Variants in HTR4 observed in about 807,000 individuals in gnomAD.
HTR4 encodes 5-hydroxytryptamine receptor 4, also known as 5-hydroxytryptamine (serotonin) receptor 4, G protein-coupled.
HTR4 carries 16 observed loss-of-function variants against 36.8 expected under a neutral mutation model. That is an observed-to-expected ratio of 0.43 (90% CI 0.29 to 0.66). The LOEUF is 0.66. HTR4 is among the 30% of genes least tolerant of loss of function. The pLI, the probability that HTR4 is intolerant of heterozygous loss-of-function variation, is 0.13. For synonymous variants in HTR4, 189 were observed against 185.1 expected (o/e 1.02, Z -0.17); for missense variants, 438 against 490.9 (o/e 0.89, Z 1.02).
chr5:148,583,712 C>T (rs1761240705), intron 2 of HTR4, among the ~76,000 whole-genome samples: 2 of 152,080 alleles, frequency 1.3e-5, no homozygotes, highest in African/African-American at 4.8e-5. Context: ...ACCTACCACA[C>T]ACCCACTCCT....
downstream of HTR4, chr5:148,476,858 C>T: frequency 2.0e-6 from 3 of 1,535,912 alleles, no homozygotes; most frequent in South Asian, 1.2e-5. Context: ...GGTCAAAAAC[C>T]TCATGCAGTC....
intron 2 of HTR4, among the ~76,000 whole-genome samples, chr5:148,565,373 G>A (rs902378811): frequency 2.0e-5 from 3 of 151,936 alleles, no homozygotes; most frequent in African/African-American, 4.8e-5. Flanking sequence ...TATAAATAGC[G>A]GCCAGAGAAA....
chr5:148,489,981 T>G (rs1414543504), intron 6 of HTR4, among the ~76,000 whole-genome samples: 1 of 151,924 alleles, frequency 6.6e-6, no homozygotes, highest in Non-Finnish European at 1.5e-5. Flanking sequence ...ATTATATACA[T>G]AGTCCCAAAA....
chr5:148,643,055 C>T (rs893513759), intron 1 of HTR4, among the ~76,000 whole-genome samples: 1 of 152,060 alleles, frequency 6.6e-6, no homozygotes, highest in Non-Finnish European at 1.5e-5. Context: ...AAGATTTAGT[C>T]CTAAATAAAA....
chr5:148,504,841 T>G lies in HTR4; in HGVS notation c.1076+4615A>C, dbSNP rs558199331. On this transcript the variant is annotated intron_variant, in intron 6 of 6. Coordinates refer to ENST00000377888, the MANE Select transcript of HTR4 (RefSeq NM_000870.7). ...CTACCGATCCCACAGAAATACAAAC[T>G]ACCATCAGAGAATACTATAAACACC... 9.8e-4 allele frequency among the ~76,000 whole-genome samples: 149 copies of G among 152,264 alleles called. 1 individual carries two copies. The highest frequency in any genetic ancestry group is 3.5e-3 in the African/African-American group (145 of 41,546).
At position 148,612,984 on chromosome 5, in the gene HTR4, A is replaced by C. The variant is rs1300421526; in HGVS notation, c.26+24005T>G. On this transcript the variant is annotated intron_variant, in intron 2 of 6. Coordinates refer to ENST00000377888, the MANE Select transcript of HTR4 (RefSeq NM_000870.7). ...ACTCTCCCAAGACTAAACCAGGAAG[A>C]AGTTGAATCTCTGAATAGACCAATA... 2.5e-3 allele frequency among the ~76,000 whole-genome samples: 374 copies of C among 148,148 alleles called. 4 individuals are homozygous for C. Among genetic ancestry groups the C allele is most frequent in the African/African-American group, 7.7e-3 (309 of 40,060 alleles).
intron 2 of HTR4, among the ~76,000 whole-genome samples, chr5:148,578,349 C>T (rs1761006450): frequency 2.0e-5 from 3 of 152,024 alleles, no homozygotes; most frequent in African/African-American, 7.2e-5. Flanking sequence ...ACTTAAACCT[C>T]ATTTTGACCA....
Position 148,593,694 on chromosome 5 carries a change from G to C in HTR4, c.26+43295C>G, listed in dbSNP as rs115822275. Reference sequence around the variant, plus strand: ...ATTTTAAAAATTCAAATCTAATCCTGTCATTCTATGGCTTAAAAATTATTA... The same window carrying C: ...ATTTTAAAAATTCAAATCTAATCCTCTCATTCTATGGCTTAAAAATTATTA... On this transcript the variant is annotated intron_variant, in intron 2 of 6. Transcript: ENST00000377888. 9.0e-3 allele frequency among the ~76,000 whole-genome samples: 1,370 copies of C among 152,164 alleles called. 25 individuals carry two copies. The highest frequency in any genetic ancestry group is 0.031 in the African/African-American group (1,306 of 41,520).
At chr5:148,507,778 T>C (rs1352882751) in intron 6 of HTR4, among the ~76,000 whole-genome samples, 1 of 152,160 alleles carries the variant, frequency 6.6e-6, no homozygotes, top group Non-Finnish European at 1.5e-5. Context: ...CATCAACTGC[T>C]AAACAACTGA....
At chr5:148,618,892 T>C (rs747143893) in intron 2 of HTR4, among the ~76,000 whole-genome samples, 5 of 152,232 alleles carry the variant, frequency 3.3e-5, no homozygotes, top group Non-Finnish European at 5.9e-5. Context: ...CACAGAAGTA[T>C]ACTGAGGATT....
At chr5:148,644,348 A>G (rs1753813004) in intron 1 of HTR4, among the ~76,000 whole-genome samples, 1 of 141,576 alleles carries the variant, frequency 7.1e-6, no homozygotes, top group Non-Finnish European at 1.5e-5. Flanking sequence ...AATAGGTGCT[A>G]GTTTTTCTAT....
At chr5:148,556,503 C>T (rs548150581) in intron 2 of HTR4, among the ~76,000 whole-genome samples, 1 of 152,274 alleles carries the variant, frequency 6.6e-6, no homozygotes, top group Admixed American at 6.5e-5. Context: ...AAGGACTGTG[C>T]TGAGTACTAG....
At chr5:148,641,955 G>C (rs1753741311) in intron 1 of HTR4, among the ~76,000 whole-genome samples, 1 of 152,196 alleles carries the variant, frequency 6.6e-6, no homozygotes, top group Non-Finnish European at 1.5e-5. Flanking sequence ...TATCGATGTA[G>C]TCTGGTACAG....
chr5:148,505,646 C>A (rs1321493626), intron 6 of HTR4, among the ~76,000 whole-genome samples: 1 of 152,184 alleles, frequency 6.6e-6, no homozygotes, highest in Non-Finnish European at 1.5e-5. Flanking sequence ...CCCAAAATCT[C>A]CTTAAGCTGA....
chr5:148,516,842 C>T (rs1468748369), intron 5 of HTR4, among the ~76,000 whole-genome samples: 1 of 152,072 alleles, frequency 6.6e-6, no homozygotes, highest in Non-Finnish European at 1.5e-5. Flanking sequence ...TAATTTTCTT[C>T]TGGCAAGCAG....
At chr5:148,609,856 A>G (rs1752340368) in intron 2 of HTR4, among the ~76,000 whole-genome samples, 1 of 151,906 alleles carries the variant, frequency 6.6e-6, no homozygotes, top group South Asian at 2.1e-4. Context: ...GTGAGCCACC[A>G]CGCCCGGCCC....
chr5:148,507,270 A>C (rs1020438945), intron 6 of HTR4, among the ~76,000 whole-genome samples: 14 of 151,064 alleles, frequency 9.3e-5, no homozygotes, highest in Non-Finnish European at 1.8e-4. Flanking sequence ...AAACTATCGC[A>C]AGGAGAAAAA....
chr5:148,509,447 T>C lies in HTR4; in HGVS notation c.1076+9A>G. On this transcript the variant is annotated intron_variant, in intron 6 of 6. Coordinates refer to ENST00000377888, the MANE Select transcript of HTR4 (RefSeq NM_000870.7). The stretch of plus-strand genomic sequence containing the variant: ...CAACCAAATCAATGAACTCCCTTAG[T>C]ATACTCACCTTAGTACATGTGTGGA... 6.3e-7 allele frequency: 1 copy of C among 1,582,920 alleles called. No individual in the cohort carries two copies. Among genetic ancestry groups the C allele is most frequent in the Non-Finnish European group, 8.6e-7 (1 of 1,161,202 alleles).
chr5:148,488,988 CTT>C (rs752658117), intron 6 of HTR4, among the ~76,000 whole-genome samples: 102 of 152,108 alleles, frequency 6.7e-4, no homozygotes, highest in African/African-American at 2.3e-3. Flanking sequence ...CCTTTCATGA[CTT>C]TTTTCCATTG....
Sources: allele counts gnomAD v4.1 joint callset (sites outside exome capture counted in the v4.1 genomes callset), GRCh38; gene constraint gnomAD v4.1.1; transcripts MANE v1.5; gene names NCBI Gene and HGNC (gene_info 2026-07-23, HGNC 2026-07-21).